ATRN: variants seen among roughly 807,000 people sequenced by gnomAD.
The protein encoded by ATRN is attractin.
Under a neutral mutation model 178.7 loss-of-function variants are expected in ATRN, and 54 were observed. That is an observed-to-expected ratio of 0.30 (90% CI 0.24 to 0.38). The LOEUF (loss-of-function observed/expected upper bound fraction) is 0.38, where lower values mean the gene tolerates loss of function less well. ATRN is among the 10% of genes least tolerant of loss of function. ATRN has a pLI of 1.00. For synonymous variants in ATRN, 636 were observed against 663.0 expected, an observed-to-expected ratio of 0.96 and a Z score of 0.63; for missense variants, 1,443 against 1,815.1, an observed-to-expected ratio of 0.79 and a Z score of 3.73.
chr20:3,576,627 A>G (rs992119255), intron 13 of ATRN, among the ~76,000 whole-genome samples: 1 of 152,146 alleles, frequency 6.6e-6, no homozygotes, highest in Non-Finnish European at 1.5e-5. Flanking sequence ...CCTTGAGCAG[A>G]ACATTCCATT....
intron 24 of ATRN, among the ~76,000 whole-genome samples, chr20:3,623,283 A>G (rs2086911176): frequency 6.6e-6 from 1 of 152,258 alleles, no homozygotes; most frequent in South Asian, 2.1e-4. Flanking sequence ...GAAGGAAAAG[A>G]AAAGAAAGTG....
intron 3 of ATRN, among the ~76,000 whole-genome samples, chr20:3,545,435 A>C (rs1353020000): frequency 6.6e-6 from 1 of 152,078 alleles, no homozygotes; most frequent in African/African-American, 2.4e-5. Flanking sequence ...ATCACTCATA[A>C]AATTTGTTAC....
At chr20:3,637,273 T>G (rs1264674881) in intron 26 of ATRN, among the ~76,000 whole-genome samples, 1 of 152,176 alleles carries the variant, frequency 6.6e-6, no homozygotes, top group Non-Finnish European at 1.5e-5. Flanking sequence ...ATGTTATTTT[T>G]AAAAACAATA....
rs2086921599 is a variant in ATRN at position 3,624,513 on chromosome 20, T to C, written c.3804T>C (p.Ile1268=). Residue 1268 remains isoleucine, a splice_region_variant and synonymous_variant, in exon 25 of 29, where the codon ATT becomes ATC. Coordinates refer to ENST00000262919, the MANE Select transcript of ATRN (RefSeq NM_139321.3). ...SNFTWPIKIQ[I]AFSQHSNFMD... ...CACTACCTGTTTTTCTGTCACAGAT[T>C]GCCTTCTCTCAGCACAGCAATTTTA... 6.2e-7 allele frequency: 1 copy of C among 1,613,656 alleles called. No individual in the cohort carries two copies.
At chr20:3,478,381 T>C (rs2084560070) in intron 1 of ATRN, among the ~76,000 whole-genome samples, 1 of 152,026 alleles carries the variant, frequency 6.6e-6, no homozygotes, top group South Asian at 2.1e-4. Flanking sequence ...TGTGCAGCCA[T>C]AAAAAATGGT....
At chr20:3,646,620 T>G (rs2087109680) in intron 28 of ATRN, 103 bp from the exon 29 acceptor site, 3 of 1,411,596 alleles carry the variant, frequency 2.1e-6, no homozygotes, top group Non-Finnish European at 2.8e-6. Flanking sequence ...TTGGTTTGTT[T>G]GTTTTGCACC....
intron 1 of ATRN, among the ~76,000 whole-genome samples, chr20:3,480,263 A>G (rs1048251904): frequency 2.6e-5 from 4 of 152,212 alleles, no homozygotes; most frequent in African/African-American, 9.7e-5. Context: ...AATGGACTCA[A>G]TCAGAGTGAA....
intron 6 of ATRN, among the ~76,000 whole-genome samples, chr20:3,553,659 G>T (rs1309397606): frequency 6.6e-6 from 1 of 152,068 alleles, no homozygotes. Flanking sequence ...CAGCACTCCT[G>T]CCCCACCAAC....
intron 1 of ATRN, among the ~76,000 whole-genome samples, chr20:3,527,641 A>G (rs455837): frequency 0.27 from 40,462 of 151,910 alleles, 5,892 homozygotes; most frequent in African/African-American, 0.33. Context: ...TTGCAGCACT[A>G]CTCACAATAG....
intron 1 of ATRN, among the ~76,000 whole-genome samples, chr20:3,505,908 C>T (rs542971807): frequency 7.9e-5 from 12 of 152,264 alleles, no homozygotes; most frequent in African/African-American, 2.2e-4. Context: ...CTACATTAAG[C>T]GTTGCCAGGG....
chr20:3,527,378 C>T (rs2085380970), intron 1 of ATRN, among the ~76,000 whole-genome samples: 1 of 152,130 alleles, frequency 6.6e-6, no homozygotes. Flanking sequence ...AATGAGATAC[C>T]ATCTCCCACC....
intron 2 of ATRN, among the ~76,000 whole-genome samples, chr20:3,539,796 G>A (rs2085593242): frequency 6.6e-6 from 1 of 151,728 alleles, no homozygotes; most frequent in Admixed American, 6.6e-5. Flanking sequence ...TCTTAGAGCA[G>A]ATAACTGGTT....
rs1422941404 is a variant in ATRN at position 3,582,373 on chromosome 20, T to C, written c.2764+19T>C. 98 of 1,606,712 alleles carry C rather than the reference T, an allele frequency of 6.1e-5. 1 individual carries two copies. The highest frequency in any genetic ancestry group is 8.3e-5 in the Non-Finnish European group (97 of 1,175,250). ...AGGCCTGGTAAGTTCACAGGTGAAT[T>C]AGGTGGTATTCAGAGTTTATTGTGA... On this transcript the variant is annotated intron_variant, in intron 16 of 28. Coordinates refer to ENST00000262919, the MANE Select transcript of ATRN (RefSeq NM_139321.3).
At chr20:3,536,368 C>G (rs960391628) in intron 2 of ATRN, among the ~76,000 whole-genome samples, 14 of 151,900 alleles carry the variant, frequency 9.2e-5, no homozygotes, top group Non-Finnish European at 4.4e-5. Flanking sequence ...GCCACCATGC[C>G]CAGCTAAGTT....
intron 1 of ATRN, among the ~76,000 whole-genome samples, chr20:3,495,329 G>T (rs1416724395): frequency 6.6e-6 from 1 of 152,144 alleles, no homozygotes; most frequent in Non-Finnish European, 1.5e-5. Context: ...AGAATCATTT[G>T]TGGAGCTTTT....
At chr20:3,622,952 G>A (rs916287551) in intron 24 of ATRN, among the ~76,000 whole-genome samples, 92 of 152,208 alleles carry the variant, frequency 6.0e-4, no homozygotes, top group African/African-American at 2.2e-3. Flanking sequence ...ATGAACACCA[G>A]ATAAGTCCTC....
intron 1 of ATRN, among the ~76,000 whole-genome samples, chr20:3,496,630 G>T (rs1480642958): frequency 6.6e-6 from 1 of 152,190 alleles, no homozygotes; most frequent in Non-Finnish European, 1.5e-5. Flanking sequence ...TGTATATTCT[G>T]TTGATTTGGG....
At chr20:3,587,896 A>G (rs1253005058) in intron 18 of ATRN, among the ~76,000 whole-genome samples, 1 of 152,078 alleles carries the variant, frequency 6.6e-6, no homozygotes, top group Non-Finnish European at 1.5e-5. Flanking sequence ...CCCAGGCTGG[A>G]GCGCAGTGGT....
intron 3 of ATRN, among the ~76,000 whole-genome samples, chr20:3,541,270 G>T (rs542016486): frequency 2.0e-5 from 3 of 151,716 alleles, no homozygotes; most frequent in Admixed American, 6.6e-5. Flanking sequence ...GTAGAGACGG[G>T]GTTTCACCGT....
Sources: allele counts gnomAD v4.1 joint callset (sites outside exome capture counted in the v4.1 genomes callset), GRCh38; gene constraint gnomAD v4.1.1; transcripts MANE v1.5; gene names NCBI Gene and HGNC (gene_info 2026-07-23, HGNC 2026-07-21).